RARB: variants seen among roughly 807,000 people sequenced by gnomAD.
RARB encodes retinoic acid receptor beta, also known as HBV-activated protein.
In RARB, 17 loss-of-function variants were observed where a neutral mutation model predicts 51.9. The ratio of observed to expected loss-of-function variants is 0.33; its 90% confidence interval spans 0.22 to 0.49. The LOEUF (loss-of-function observed/expected upper bound fraction) is 0.49, where lower values mean the gene tolerates loss of function less well. RARB is among the 20% of genes least tolerant of loss of function. RARB has a pLI of 0.99. For synonymous variants in RARB, 215 were observed against 195.4 expected (o/e 1.10, Z -0.84); for missense variants, 369 against 550.8 (o/e 0.67, Z 3.30).
At chr3:24,949,458 A>G (rs1695843354) in intron 2 of RARB, among the ~76,000 whole-genome samples, 1 of 152,206 alleles carries the variant, frequency 6.6e-6, no homozygotes, top group Non-Finnish European at 1.5e-5. Flanking sequence ...GGAAATTGTT[A>G]AAATAACTAA....
At chr3:24,912,161 G>A (rs1333678630) in intron 2 of RARB, among the ~76,000 whole-genome samples, 3 of 152,144 alleles carry the variant, frequency 2.0e-5, no homozygotes, top group Non-Finnish European at 4.4e-5. Context: ...AGAAATTTGA[G>A]AATGAGGGCT....
chr3:25,238,542 T>C lies in RARB; in HGVS notation c.178+63967T>C, dbSNP rs182550100. Reference sequence around the variant, plus strand: ...AATACCCAGGAATGGAATTGCTGGATTGTATAGTAGTTGCATTTTTAGTTT... The same window carrying C: ...AATACCCAGGAATGGAATTGCTGGACTGTATAGTAGTTGCATTTTTAGTTT... On this transcript the variant is annotated intron_variant, in intron 5 of 11. Transcript: ENST00000383772. Among the ~76,000 whole-genome samples the C allele has an allele frequency of 4.0e-4, 61 of 152,334 alleles. 1 individual carries two copies. Among genetic ancestry groups the C allele is most frequent in the African/African-American group, 1.3e-3 (55 of 41,576 alleles).
chr3:25,272,075 T>C (rs1703268605), intron 5 of RARB, among the ~76,000 whole-genome samples: 1 of 152,234 alleles, frequency 6.6e-6, no homozygotes, highest in Non-Finnish European at 1.5e-5. Context: ...GCTGGCAATA[T>C]TGAGTACTCA....
intron 3 of RARB, 74 bp downstream of exon 3, chr3:25,501,397 G>A (rs530103706): frequency 1.3e-6 from 2 of 1,553,552 alleles, no homozygotes; most frequent in South Asian, 1.2e-5. Context: ...ACAGTCATGT[G>A]GAATTCACAC....
intron 3 of RARB, among the ~76,000 whole-genome samples, chr3:25,561,058 C>T (rs1220903682): frequency 6.6e-6 from 1 of 152,178 alleles, no homozygotes; most frequent in Non-Finnish European, 1.5e-5. Context: ...GGCTCAGAGA[C>T]ATTAAGAGAC....
At chr3:24,980,599 T>A (rs1181895441) in intron 2 of RARB, among the ~76,000 whole-genome samples, 1 of 152,226 alleles carries the variant, frequency 6.6e-6, no homozygotes, top group African/African-American at 2.4e-5. Context: ...TCTCATACTG[T>A]GGTTTTCAGT....
intron 5 of RARB, 125 bp downstream of exon 5, chr3:25,580,847 A>G: frequency 1.9e-6 from 2 of 1,078,516 alleles, no homozygotes; most frequent in Non-Finnish European, 2.6e-6. Flanking sequence ...TCTAGCACTC[A>G]CCTGACTTAG....
intron 5 of RARB, among the ~76,000 whole-genome samples, chr3:25,583,157 C>A (rs1387196384): frequency 6.6e-6 from 1 of 152,202 alleles, no homozygotes; most frequent in Non-Finnish European, 1.5e-5. Flanking sequence ...AAGGAATACC[C>A]ATTTGGCCCT....
chr3:25,016,774 G>C (rs530697489), intron 2 of RARB, among the ~76,000 whole-genome samples: 1 of 152,090 alleles, frequency 6.6e-6, no homozygotes, highest in East Asian at 1.9e-4. Context: ...TCAGGAATGA[G>C]GAGTAGGAGT....
At chr3:25,467,174 C>T (rs542226656) in intron 2 of RARB, among the ~76,000 whole-genome samples, 4 of 152,344 alleles carry the variant, frequency 2.6e-5, no homozygotes, top group East Asian at 1.9e-4. Flanking sequence ...AATTGAGCTA[C>T]GTCCAGAAAT....
chr3:25,171,790 G>T (rs1222961719), intron 4 of RARB, among the ~76,000 whole-genome samples: 2 of 152,036 alleles, frequency 1.3e-5, no homozygotes, highest in African/African-American at 4.8e-5. Context: ...CTTTGTGTGT[G>T]ATTTAAAAAT....
chr3:25,197,836 C>A (rs1344783985), intron 5 of RARB, among the ~76,000 whole-genome samples: 1 of 151,810 alleles, frequency 6.6e-6, no homozygotes, highest in Non-Finnish European at 1.5e-5. Context: ...AAAATCAATA[C>A]TGTTAAAATC....
chr3:24,969,224 C>T (rs1359841046), intron 2 of RARB, among the ~76,000 whole-genome samples: 6 of 152,112 alleles, frequency 3.9e-5, no homozygotes, highest in Admixed American at 3.3e-4. Flanking sequence ...TCTAAATTTT[C>T]TTACCTATAA....
At chr3:25,482,559 A>T (rs1696278409) in intron 2 of RARB, among the ~76,000 whole-genome samples, 12 of 49,952 alleles carry the variant, frequency 2.4e-4, no homozygotes, top group South Asian at 1.0e-3. Flanking sequence ...TTTTTTTTTG[A>T]GACGGAGTCT....
At chr3:24,952,880 T>G (rs182824892) in intron 2 of RARB, among the ~76,000 whole-genome samples, 3,230 of 150,146 alleles carry the variant, frequency 0.022, 63 homozygotes, top group Middle Eastern at 0.069. Context: ...CTGGTATTTT[T>G]TTTGTTTGTT....
intron 3 of RARB, among the ~76,000 whole-genome samples, chr3:25,120,835 G>A (rs1237876670): frequency 6.6e-6 from 1 of 152,036 alleles, no homozygotes; most frequent in African/African-American, 2.4e-5. Flanking sequence ...AATCTAGCTG[G>A]CTGCCAAAGT....
chr3:25,377,137 T>C (rs1706486254), intron 5 of RARB, among the ~76,000 whole-genome samples: 1 of 152,082 alleles, frequency 6.6e-6, no homozygotes, highest in Admixed American at 6.6e-5. Flanking sequence ...CCTACAGATG[T>C]TTGCACAAAT....
At chr3:25,465,663 G>T (rs183462912) in intron 2 of RARB, among the ~76,000 whole-genome samples, 1 of 152,276 alleles carries the variant, frequency 6.6e-6, no homozygotes, top group African/African-American at 2.4e-5. Flanking sequence ...TATTGACACA[G>T]CATTACCATG....
In RARB at chr3:25,428,426, A is replaced by G; in HGVS notation, c.-306A>G. 7.8e-7 allele frequency: 1 copy of G among 1,276,682 alleles called. No individual in the cohort carries two copies. Among genetic ancestry groups the G allele is most frequent in the Non-Finnish European group, 9.9e-7 (1 of 1,013,682 alleles). 79.1% of individuals were successfully genotyped at this position (1,276,682 alleles called of 1,614,324 possible). A position where few individuals can be genotyped will look rare whatever the true frequency, so the allele number is the denominator to read the frequency against. On this transcript the variant is annotated 5_prime_UTR_variant, in exon 1 of 8. Transcript: ENST00000330688. ...TGGGCACCGTCGGGGTAGGATCCGG[A>G]ACGCATTCGGAAGGCTTTTTGCAAG...
Sources: allele counts gnomAD v4.1 joint callset (sites outside exome capture counted in the v4.1 genomes callset), GRCh38; gene constraint gnomAD v4.1.1; transcripts MANE v1.5; gene names NCBI Gene and HGNC (gene_info 2026-07-23, HGNC 2026-07-21).